ADAM8: variants seen among roughly 807,000 people sequenced by gnomAD.
ADAM8 encodes ADAM metallopeptidase domain 8, also known as disintegrin and metalloproteinase domain-containing protein 8.
Under a neutral mutation model 102.4 loss-of-function variants are expected in ADAM8, and 104 were observed. The ratio of observed to expected loss-of-function variants is 1.02; its 90% CI spans 0.87 to 1.20. ADAM8 has a LOEUF of 1.20. ADAM8 is among the 50% of genes most tolerant of loss of function. ADAM8 has a pLI of 0.00. For missense variants in ADAM8, 1,132 were observed against 1,159.0 expected, an observed-to-expected ratio of 0.98 and a Z score of 0.34; for synonymous variants, 517 against 485.2, an observed-to-expected ratio of 1.07 and a Z score of -0.86.
At position 133,273,089 on chromosome 10, in the gene ADAM8, G is replaced by A. The variant is rs3810961; in HGVS notation, c.574-70C>T. On this transcript the variant is annotated intron_variant, in intron 6 of 22. Transcript: ENST00000445355. ...GGCCTGGACCCTCCCTCAGGGACCC[G>A]GGGCCACTGTCCAGCCCCTGTCCAG... 167 of 1,606,622 alleles carry A rather than the reference G, an allele frequency of 1.0e-4. No individual in the cohort carries two copies. In the East Asian group the frequency reaches 2.8e-3, roughly 27 times the overall value.
intron 1 of ADAM8, among the ~76,000 whole-genome samples, chr10:133,276,537 T>C (rs1255353488): frequency 6.6e-6 from 1 of 152,196 alleles, no homozygotes; most frequent in Non-Finnish European, 1.5e-5. Context: ...GAGGCGGGAC[T>C]TCCCTCTCAC....
intron 21 of ADAM8, among the ~76,000 whole-genome samples, chr10:133,266,518 G>A (rs1846326204): frequency 6.6e-6 from 1 of 152,116 alleles, no homozygotes; most frequent in South Asian, 2.1e-4. Flanking sequence ...CTGTGGAGGG[G>A]GTCCCCGGAG....
Position 133,273,282 on chromosome 10 carries a change from G to T in ADAM8, c.545C>A (p.Thr182Lys), listed in dbSNP as rs746594474. 1.3e-6 allele frequency: 2 copies of T among 1,599,510 alleles called. No homozygotes were observed. ...DSLGSLLGPR[T>K]AAVFRPRPGD... Reference sequence around the variant, plus strand: ...GGGCCGAGGCCTGAAGACGGCTGCCGTCCGGGGTCCCAGGAGGCTGCCCAG... The same window carrying T: ...GGGCCGAGGCCTGAAGACGGCTGCCTTCCGGGGTCCCAGGAGGCTGCCCAG... Residue 182 changes from threonine (T) to lysine (K), a missense_variant, in exon 6 of 23, where the codon ACG becomes AAG. By Grantham distance (78) the Thr-to-Lys change is moderately conservative. Transcript: ENST00000445355.
chr10:133,274,573 T>A (rs2136094245), intron 2 of ADAM8, among the ~76,000 whole-genome samples: 2 of 150,668 alleles, frequency 1.3e-5, no homozygotes, highest in South Asian at 4.2e-4. Context: ...AGCACTTGGG[T>A]AGACAGGAAG....
In ADAM8 at chr10:133,275,512, C is replaced by T. The variant is rs997539004; in HGVS notation, c.122G>A (p.Arg41Gln). 6.5e-6 allele frequency: 10 copies of T among 1,529,072 alleles called. No individual in the cohort carries two copies. The highest frequency in any genetic ancestry group is 2.6e-5 in the East Asian group (1 of 38,624). 94.7% of individuals were successfully genotyped at this position (1,529,072 alleles called of 1,614,324 possible). A position where few individuals can be genotyped will look rare whatever the true frequency, so the allele number is the denominator to read the frequency against. ...GTGGGAGGGCAGAGCTCGGCGGACT[C>T]GGGGGCCTGGCAGACGCCACGGCAA... ...VVLPWRLPGPRVRRALPSHLG... is the reference protein window; with the variant it reads ...VVLPWRLPGPQVRRALPSHLG... Residue 41 changes from arginine to glutamine, a missense_variant, in exon 2 of 23, where the codon CGA becomes CAA. Coordinates refer to ENST00000445355, the MANE Select transcript of ADAM8 (RefSeq NM_001109.5).
In ADAM8 at chr10:133,273,798, T is replaced by A. The variant is rs1317055458; in HGVS notation, c.347A>T (p.Asp116Val). Residue 116 changes from aspartate to valine, a missense_variant, in exon 5 of 23, where the codon GAC (aspartate) becomes GTC (valine). Coordinates refer to ENST00000445355, the MANE Select transcript of ADAM8 (RefSeq NM_001109.5). The stretch of plus-strand genomic sequence containing the variant: ...ACAGGTGCTGAGGCTGGCGGCTGAG[T>A]CCGGGTACCCCTCTACGTGGCCCTG... ...FYQGHVEGYP[D>V]SAASLSTCAG... 1.3e-6 allele frequency: 2 copies of A among 1,548,710 alleles called. No individual in the cohort carries two copies. Among genetic ancestry groups the A allele is most frequent in the East Asian group, 4.9e-5 (2 of 40,880 alleles).
At chr10:133,266,120 GA>G (rs1347023043) in intron 21 of ADAM8, among the ~76,000 whole-genome samples, 1 of 152,082 alleles carries the variant, frequency 6.6e-6, no homozygotes, top group Non-Finnish European at 1.5e-5. Flanking sequence ...TCCACACAAG[GA>G]AAGACGGGAC....
At position 133,272,563 on chromosome 10, in the gene ADAM8, C is replaced by A. The variant is rs773338736; in HGVS notation, c.728G>T (p.Arg243Leu). 2.5e-6 allele frequency: 4 copies of A among 1,610,838 alleles called. No individual in the cohort carries two copies. Among genetic ancestry groups the A allele is most frequent in the South Asian group, 1.1e-5 (1 of 90,994 alleles). Residue 243 changes from arginine to leucine, a missense_variant, in exon 9 of 23, where the codon CGT becomes CTT. Arg to Leu is a moderately radical substitution (Grantham distance 102). Coordinates refer to ENST00000445355, the MANE Select transcript of ADAM8 (RefSeq NM_001109.5). ...AATCTCCAGGCCCACCAGGACCACA[C>A]GGAAGTTGAGTTTCTGATATAGCTG... ...VDKLYQKLNF[R>L]VVLVGLEIWN...
At chr10:133,268,208 C>A in intron 19 of ADAM8, 90 bp from the exon 20 acceptor site, 2 of 1,143,236 alleles carry the variant, frequency 1.7e-6, no homozygotes, top group Non-Finnish European at 2.2e-6. Context: ...CTCCAGCCGA[C>A]CCGAGAGGCT....
chr10:133,275,410 T>C, intron 2 of ADAM8, 74 bp downstream of exon 2: 1 of 1,190,970 alleles, frequency 8.4e-7, no homozygotes. Context: ...CCACTTTCTG[T>C]AAGCTAAAGC....
In ADAM8 at chr10:133,269,471, G is replaced by A. The variant is rs1436903805; in HGVS notation, c.1922C>T (p.Ala641Val). 1.3e-5 allele frequency: 21 copies of A among 1,599,970 alleles called. No individual in the cohort carries two copies. The highest frequency in any genetic ancestry group is 1.7e-5 in the Admixed American group (1 of 59,402). ...CHAGWAPPHC[A>V]KLLTEVHAAS... The stretch of plus-strand genomic sequence containing the variant: ...TGCGTGCACCTCAGTCAGCAGCTTC[G>A]CGCAGTGGGGCGGGGCCCAGCCCGC... The change falls in exon 18 of 23, where the codon GCG becomes GTG. Residue 641 changes from alanine (A) to valine (V), a missense_variant. Ala to Val is a moderately conservative substitution (Grantham distance 64, BLOSUM62 0). Transcript: ENST00000445355.
chr10:133,264,908 A>G (rs1403560310), intron 21 of ADAM8, among the ~76,000 whole-genome samples: 3 of 103,582 alleles, frequency 2.9e-5, no homozygotes, highest in Non-Finnish European at 5.7e-5. Flanking sequence ...CTCCATGCCC[A>G]GCTCCTGCTG....
rs1448408848 is a variant in ADAM8 at position 133,269,307 on chromosome 10, C to G, written c.1948+138G>C. 2.4e-6 allele frequency: 3 copies of G among 1,244,898 alleles called. No homozygotes were observed. In the African/African-American group the frequency reaches 4.6e-5, roughly 19 times the overall value. The allele number at this position is 1,244,898 out of a possible 1,614,324, so 77.1% of individuals were successfully genotyped here. On this transcript the variant is annotated intron_variant, in intron 18 of 22. Coordinates refer to ENST00000445355, the MANE Select transcript of ADAM8 (RefSeq NM_001109.5). ...GGGGACAGACAGGCTCTGCCTATAC[C>G]TGTGTGTCGATGCCTGTGGCAGCAA...
chr10:133,271,108 C>T, intron 13 of ADAM8, 38 bp from the exon 14 acceptor site: 1 of 1,596,810 alleles, frequency 6.3e-7, no homozygotes, highest in Non-Finnish European at 8.5e-7. Context: ...GGGGACAGGT[C>T]CACGCAAGCT....
At position 133,263,715 on chromosome 10, in the gene ADAM8, A is replaced by T. The variant is rs775561840; in HGVS notation, c.2370T>A (p.Ala790=). ...APPVPPVKPG[A]GAANPGPAEG... ...CAGCTGGACCAGGGTTGGCCGCACCAGCCCCGGGTTTGACTGGGGGCACTG... is the reference window on the plus strand; with the variant it reads ...CAGCTGGACCAGGGTTGGCCGCACCTGCCCCGGGTTTGACTGGGGGCACTG... The change falls in exon 22 of 23, where the codon GCT becomes GCA. Residue 790 remains alanine, a synonymous_variant. Transcript: ENST00000445355. The T allele has an allele frequency of 6.5e-7, 1 of 1,550,112 alleles. No individual in the cohort carries two copies. The highest frequency in any genetic ancestry group is 8.7e-7 in the Non-Finnish European group (1 of 1,148,316).
intron 9 of ADAM8, 57 bp downstream of exon 9, chr10:133,272,359 C>G: frequency 2.4e-6 from 3 of 1,253,086 alleles, no homozygotes; most frequent in Non-Finnish European, 3.3e-6. Flanking sequence ...CCTTCCACCC[C>G]ACCCTGCCCG....
At chr10:133,276,480 G>C (rs1480877956) in intron 1 of ADAM8, among the ~76,000 whole-genome samples, 2 of 152,240 alleles carry the variant, frequency 1.3e-5, no homozygotes, top group African/African-American at 2.4e-5. Flanking sequence ...TCGCGCAGCA[G>C]GTGAAGCGTC....
In ADAM8 at chr10:133,270,985, G is replaced by C; in HGVS notation, c.1460C>G (p.Pro487Arg). The C allele has an allele frequency of 1.2e-6, 2 of 1,612,816 alleles. No homozygotes were observed. Among genetic ancestry groups the C allele is most frequent in the South Asian group, 1.1e-5 (1 of 91,090 alleles). ...EFCDGRHPEC[P>R]EDAFQENGTP... ...GCCGTTCTCCTGGAAGGCGTCTTCC[G>C]GGCACTCAGGGTGCCGGCCGTCACA... Residue 487 changes from proline to arginine, a missense_variant, in exon 14 of 23, where the codon CCG (proline) becomes CGG (arginine). Transcript: ENST00000445355.
chr10:133,273,070 G>A (rs1057161863), intron 6 of ADAM8, 51 bp from the exon 7 acceptor site: 13 of 1,611,742 alleles, frequency 8.1e-6, no homozygotes, highest in African/African-American at 4.0e-5. Flanking sequence ...CCGGGGCCTG[G>A]ACCCTCCCTC....
Sources: allele counts gnomAD v4.1 joint callset (sites outside exome capture counted in the v4.1 genomes callset), GRCh38; gene constraint gnomAD v4.1.1; transcripts MANE v1.5; gene names NCBI Gene and HGNC (gene_info 2026-07-23, HGNC 2026-07-21).